The following NUGGC variants were observed in gnomAD, a reference collection of about 807,000 sequenced individuals.
NUGGC encodes nuclear GTPase SLIP-GC.
In NUGGC, 58 loss-of-function variants were observed where a neutral mutation model predicts 92.6. That is an observed-to-expected ratio of 0.63 (90% confidence interval 0.51 to 0.78). NUGGC has a LOEUF of 0.78. Among genes scored for constraint, NUGGC ranks in the 30% least tolerant of loss-of-function variants. The pLI is 0.00. For synonymous variants in NUGGC, 376 were observed against 366.4 expected (o/e 1.03, Z -0.30); for missense variants, 925 against 964.6 (o/e 0.96, Z 0.54).
In NUGGC at chr8:28,038,450, C is replaced by T. The variant is rs146789211; in HGVS notation, c.1611+2601G>A. 3.5e-3 allele frequency among the ~76,000 whole-genome samples: 539 copies of T among 152,282 alleles called. 4 individuals are homozygous for T. The highest frequency in any genetic ancestry group is 0.012 in the African/African-American group (494 of 41,550). ...CGTTCATTCTTTCAACTTATCTTTACGGCAACCCTATAACATAGGTACCGT... is the reference window on the plus strand; with the variant it reads ...CGTTCATTCTTTCAACTTATCTTTATGGCAACCCTATAACATAGGTACCGT... On this transcript the variant is annotated intron_variant, in intron 13 of 18. Transcript: ENST00000413272.
rs200971147 is a variant in NUGGC, at chr8:28,029,334, G to A, written c.2086C>T (p.Arg696Trp). 1.5e-3 allele frequency: 2,462 copies of A among 1,611,324 alleles called. 13 individuals are homozygous for A. The highest frequency in any genetic ancestry group is 8.1e-3 in the South Asian group (736 of 90,312). Residue 696 changes from arginine (R) to tryptophan (W), a missense_variant, in exon 17 of 19, where the codon CGG becomes TGG. Coordinates refer to ENST00000413272, the MANE Select transcript of NUGGC (RefSeq NM_001010906.2). ...TCAAACATGCCCTCAGCCACCTGCC[G>A]GTCCACTCCTCTTCTGATGGCATCT... ...MKDAIRRGVD[R>W]QVAEGMFERA...
intron 2 of NUGGC, 118 bp from the exon 3 acceptor site, chr8:28,070,474 T>C: frequency 3.4e-6 from 2 of 592,380 alleles, no homozygotes; most frequent in South Asian, 4.5e-5. Context: ...CAGTGGCTCA[T>C]GTCTGTAATC....
chr8:28,064,060 C>T (rs767665425), intron 7 of NUGGC, among the ~76,000 whole-genome samples: 1 of 152,196 alleles, frequency 6.6e-6, no homozygotes, highest in Non-Finnish European at 1.5e-5. Context: ...ACCCCATGCT[C>T]CTTCTCCCAT....
At chr8:28,052,515 C>A (rs187582950) in intron 10 of NUGGC, among the ~76,000 whole-genome samples, 59 of 152,264 alleles carry the variant, frequency 3.9e-4, no homozygotes, top group Admixed American at 8.5e-4. Context: ...GAGACACACA[C>A]ATGAGGAGAA....
rs1373105904 is a variant in NUGGC at position 28,067,663 on chromosome 8, TC to T, written c.561del (p.Trp187Ter). On this transcript the variant is annotated frameshift_variant, in exon 6 of 19. Transcript: ENST00000413272. LOFTEE classifies it high-confidence loss of function. The part of the protein sequence containing the change: ...EELSREEADA[W>X]NRDEAVEEAT... Reference sequence around the variant, plus strand: ...GCTTCCTCCACTGCCTCATCCCTGTTCCACGCATCTGCCTCTTCTCTGCTCA... The same window carrying T: ...GCTTCCTCCACTGCCTCATCCCTGTTCACGCATCTGCCTCTTCTCTGCTCA... 6.2e-7 allele frequency: 1 copy of T among 1,613,910 alleles called. No homozygotes were observed. The highest frequency in any genetic ancestry group is 8.5e-7 in the Non-Finnish European group (1 of 1,179,858).
At chr8:28,063,040 C>T (rs974572376) in intron 7 of NUGGC, among the ~76,000 whole-genome samples, 1 of 152,076 alleles carries the variant, frequency 6.6e-6, no homozygotes, top group Non-Finnish European at 1.5e-5. Context: ...AGACATGCCT[C>T]AAGTCACGTG....
chr8:28,037,620 A>G (rs1809588588), intron 13 of NUGGC, among the ~76,000 whole-genome samples: 1 of 152,138 alleles, frequency 6.6e-6, no homozygotes, highest in African/African-American at 2.4e-5. Context: ...TGGGACACAC[A>G]CACAGGCCTG....
rs1256769957 is a variant in NUGGC at position 28,030,675 on chromosome 8, G to C, written c.1909-257C>G. The stretch of plus-strand genomic sequence containing the variant: ...TAAATATTTGCTGAGTTGAACTCAG[G>C]CACAGGCAACGTCCTGGAATGGGCC... On this transcript the variant is annotated intron_variant, in intron 15 of 18. Transcript: ENST00000413272. 2.0e-5 allele frequency among the ~76,000 whole-genome samples: 3 copies of C among 152,288 alleles called. No individual in the cohort carries two copies. In the East Asian group the frequency reaches 5.8e-4, roughly 29 times the overall value.
intron 13 of NUGGC, among the ~76,000 whole-genome samples, chr8:28,036,283 T>A (rs187336602): frequency 6.6e-6 from 1 of 152,336 alleles, no homozygotes; most frequent in Admixed American, 6.5e-5. Flanking sequence ...TTCCTTCTTC[T>A]GCTACCTCTC....
At chr8:28,039,513 C>G (rs1355334737) in intron 13 of NUGGC, among the ~76,000 whole-genome samples, 2 of 152,142 alleles carry the variant, frequency 1.3e-5, no homozygotes, top group Non-Finnish European at 2.9e-5. Flanking sequence ...AATACAGGCA[C>G]AAGCCACCAC....
chr8:28,030,710 G>A lies in NUGGC; in HGVS notation c.1909-292C>T, dbSNP rs553115850. Among the ~76,000 whole-genome samples the A allele has an allele frequency of 2.6e-5, 4 of 152,190 alleles. No homozygotes were observed. The East Asian group carries it at 5.8e-4, about 22-fold the overall frequency. On this transcript the variant is annotated intron_variant, in intron 15 of 18. Coordinates refer to ENST00000413272, the MANE Select transcript of NUGGC (RefSeq NM_001010906.2). ...CGTCCTGGAATGGGCCCTCTCTGGG[G>A]GGCAGAGGAGATACAAGCTCTTTCC... is the stretch of plus-strand genomic sequence containing the variant.
chr8:28,035,694 A>T (rs1361574807), intron 13 of NUGGC, among the ~76,000 whole-genome samples: 1 of 152,150 alleles, frequency 6.6e-6, no homozygotes, highest in Non-Finnish European at 1.5e-5. Flanking sequence ...ATCAGCCCTG[A>T]TTCAACGTGG....
rs534793630 is a variant in NUGGC at position 28,039,968 on chromosome 8, G to A, written c.1611+1083C>T. Among the ~76,000 whole-genome samples the A allele has an allele frequency of 2.6e-5, 4 of 152,288 alleles. No homozygotes were observed. In the East Asian group the frequency reaches 7.7e-4, roughly 29 times the overall value. Reference sequence around the variant, plus strand: ...GACAGGTGTGGTGTCCTTCTGGGAAGAGAAAGAGATCCCAGGAGTGTGCGT... The same window carrying A: ...GACAGGTGTGGTGTCCTTCTGGGAAAAGAAAGAGATCCCAGGAGTGTGCGT... On this transcript the variant is annotated intron_variant, in intron 13 of 18. Coordinates refer to ENST00000413272, the MANE Select transcript of NUGGC (RefSeq NM_001010906.2).
intron 12 of NUGGC, among the ~76,000 whole-genome samples, chr8:28,044,560 C>T (rs896671090): frequency 1.1e-4 from 16 of 152,140 alleles, no homozygotes; most frequent in African/African-American, 1.7e-4. Flanking sequence ...TTGGTTTTCC[C>T]GGTTGGTAGT....
At chr8:28,027,166 CA>C in intron 17 of NUGGC, 114 bp from the exon 18 acceptor site, 1 of 811,460 alleles carries the variant, frequency 1.2e-6, no homozygotes, top group Non-Finnish European at 2.1e-6. Context: ...CTGGGGTTGC[CA>C]AAGTCAGGCT....
At chr8:28,049,021 T>C (rs1328799011) in intron 10 of NUGGC, among the ~76,000 whole-genome samples, 1 of 152,048 alleles carries the variant, frequency 6.6e-6, no homozygotes, top group African/African-American at 2.4e-5. Context: ...GAGAAAAACA[T>C]TCACCTATAG....
chr8:28,028,370 C>T (rs1351872705), intron 17 of NUGGC, among the ~76,000 whole-genome samples: 1 of 152,148 alleles, frequency 6.6e-6, no homozygotes, highest in South Asian at 2.1e-4. Flanking sequence ...GAATTACATG[C>T]TTTGAATTGT....
intron 14 of NUGGC, among the ~76,000 whole-genome samples, chr8:28,032,611 G>A (rs1282286111): frequency 2.6e-5 from 4 of 151,740 alleles, no homozygotes; most frequent in South Asian, 4.2e-4. Flanking sequence ...CCAGCTACTC[G>A]GGAGGCTGAG....
intron 18 of NUGGC, among the ~76,000 whole-genome samples, chr8:28,025,417 A>G (rs116025064): frequency 6.6e-5 from 10 of 152,366 alleles, no homozygotes; most frequent in African/African-American, 2.4e-4. Context: ...TGCACCTGCT[A>G]TAATTCTTGA....
Sources: gnomAD v4.1 joint callset for allele counts (sites outside exome capture counted in the v4.1 genomes callset) on GRCh38, gnomAD v4.1.1 for gene constraint, MANE v1.5 for transcripts, NCBI Gene and HGNC (gene_info 2026-07-23, HGNC 2026-07-21) for gene names.